The following SPSB1 variants were observed in gnomAD, a reference collection of about 807,000 sequenced individuals.
SPSB1 encodes the protein splA/ryanodine receptor domain and SOCS box containing 1.
Under a neutral mutation model 21.2 loss-of-function variants are expected in SPSB1, and 8 were observed. That is an observed-to-expected ratio of 0.38 (90% CI 0.22 to 0.68). The LOEUF is 0.68. Among genes scored for constraint, SPSB1 ranks in the 30% least tolerant of loss-of-function variants. The probability of loss-of-function intolerance (pLI) is 0.53; values close to 1 mark genes in which losing one functional copy is unlikely to be tolerated. For missense variants in SPSB1, 242 were observed against 377.8 expected (o/e 0.64, Z 2.98); for synonymous variants, 169 against 161.7 (o/e 1.05, Z -0.34).
intron 1 of SPSB1, among the ~76,000 whole-genome samples, chr1:9,343,096 C>T (rs1346563361): frequency 6.6e-6 from 1 of 152,154 alleles, no homozygotes; most frequent in African/African-American, 2.4e-5. Flanking sequence ...GTGAAATTCA[C>T]ATAACATTCA....
intron 1 of SPSB1, among the ~76,000 whole-genome samples, chr1:9,349,065 A>G (rs970841211): frequency 2.0e-5 from 3 of 152,254 alleles, no homozygotes; most frequent in African/African-American, 7.2e-5. Flanking sequence ...GCTTCGTGTC[A>G]TCTGGTGTCC....
intron 1 of SPSB1, among the ~76,000 whole-genome samples, chr1:9,349,305 C>T (rs894226588): frequency 2.6e-5 from 4 of 152,208 alleles, no homozygotes; most frequent in African/African-American, 7.2e-5. Flanking sequence ...ATGAGACAGA[C>T]GCTCCCGCCA....
Position 9,367,838 on chromosome 1 carries a change from C to T in SPSB1, c.*263C>T, listed in dbSNP as rs557198475. On this transcript the variant is annotated 3_prime_UTR_variant, in exon 3 of 3. Transcript: ENST00000328089. The surrounding 1 kb of genome is among the most constrained non-coding windows in gnomAD (Gnocchi z 5.9). ...TACAACCCCTCTTTGAAAAAAGACA[C>T]AGAGAATAAACTCCTACGAAAGCCC... The T allele has an allele frequency of 2.3e-5, 12 of 524,082 alleles. No homozygotes were observed. Among genetic ancestry groups the T allele is most frequent in the Non-Finnish European group, 4.0e-5 (12 of 297,470 alleles). 32.5% of individuals were successfully genotyped at this position (524,082 alleles called of 1,614,324 possible). A position where few individuals can be genotyped will look rare whatever the true frequency, so the allele number is the denominator to read the frequency against.
chr1:9,341,358 C>G (rs1194885476), intron 1 of SPSB1, among the ~76,000 whole-genome samples: 2 of 152,330 alleles, frequency 1.3e-5, no homozygotes, highest in East Asian at 3.9e-4. Flanking sequence ...CAGCCCCTTC[C>G]CCTGAAGCTT....
chr1:9,334,321 G>A (rs940469525), intron 1 of SPSB1, among the ~76,000 whole-genome samples: 8 of 151,926 alleles, frequency 5.3e-5, no homozygotes, highest in African/African-American at 1.9e-4. Flanking sequence ...CTTGACCTCA[G>A]GTGATCCGCC....
At position 9,317,506 on chromosome 1, in the gene SPSB1, C is replaced by G. The variant is rs1197224181; in HGVS notation, c.-150+24435C>G. ...GGTTTTTTGTCGTTTGTTTTTGAGA[C>G]AGAGTCTTGCTTTGTCACCCAGGCT... On this transcript the variant is annotated intron_variant, in intron 1 of 2. Coordinates refer to ENST00000328089, the MANE Select transcript of SPSB1 (RefSeq NM_025106.4). The surrounding 1 kb of genome is among the most constrained non-coding windows in gnomAD (Gnocchi z 4.3). Among the ~76,000 whole-genome samples, 1 of 152,124 alleles carries G rather than the reference C, an allele frequency of 6.6e-6. No individual in the cohort carries two copies. Among genetic ancestry groups the G allele is most frequent in the African/African-American group, 2.4e-5 (1 of 41,410 alleles).
At chr1:9,306,172 GGCACCTCAGGCGATTGCCTGTT>G (rs1639407211) in intron 1 of SPSB1, among the ~76,000 whole-genome samples, 1 of 152,178 alleles carries the variant, frequency 6.6e-6, no homozygotes, top group South Asian at 2.1e-4. Flanking sequence ...AGGGACTGAG[GGCACCTCAGGCGATTGCCTGTT>G]GCCATCAACT....
intron 1 of SPSB1, among the ~76,000 whole-genome samples, chr1:9,353,193 G>A (rs529494131): frequency 2.6e-5 from 4 of 151,486 alleles, no homozygotes; most frequent in African/African-American, 7.3e-5. Context: ...GCCTCAGCCC[G>A]CCCGGCCCCT....
At chr1:9,335,566 C>T (rs1406164850) in intron 1 of SPSB1, among the ~76,000 whole-genome samples, 2 of 151,452 alleles carry the variant, frequency 1.3e-5, no homozygotes, top group Non-Finnish European at 2.9e-5. Flanking sequence ...CCCAGCACTT[C>T]GGGATTCCAA....
At chr1:9,310,096 G>C (rs1451589280) in intron 1 of SPSB1, among the ~76,000 whole-genome samples, 1 of 151,152 alleles carries the variant, frequency 6.6e-6, no homozygotes, top group Non-Finnish European at 1.5e-5. Context: ...CTCTGCACCT[G>C]CCGTGGGAAG....
At chr1:9,335,817 GAA>G (rs1300471815) in intron 1 of SPSB1, among the ~76,000 whole-genome samples, 1 of 152,216 alleles carries the variant, frequency 6.6e-6, no homozygotes, top group East Asian at 1.9e-4. Context: ...GTGAAAAAAA[GAA>G]AGAAAGAATG....
At chr1:9,327,172 C>T (rs1639829302) in intron 1 of SPSB1, among the ~76,000 whole-genome samples, 1 of 152,192 alleles carries the variant, frequency 6.6e-6, no homozygotes, top group African/African-American at 2.4e-5. Context: ...CCTCTAAGCC[C>T]ACGGCCTCCA....
At position 9,346,977 on chromosome 1, in the gene SPSB1, C is replaced by T. The variant is rs1015508331; in HGVS notation, c.-149-8766C>T. On this transcript the variant is annotated intron_variant, in intron 1 of 2. Coordinates refer to ENST00000328089, the MANE Select transcript of SPSB1 (RefSeq NM_025106.4). This position sits in a 1 kb window ranked among gnomAD's most constrained non-coding sequence, Gnocchi z 4.4. ...TCACTGTAGAAATAATGTCCCTCTT[C>T]GGGATGGCCCCAAAGCTTCCCCAGG... is the stretch of plus-strand genomic sequence containing the variant. Among the ~76,000 whole-genome samples, 2 of 152,222 alleles carry T rather than the reference C, an allele frequency of 1.3e-5. No individual in the cohort carries two copies. Among genetic ancestry groups the T allele is most frequent in the South Asian group, 2.1e-4 (1 of 4,834 alleles).
intron 1 of SPSB1, among the ~76,000 whole-genome samples, chr1:9,322,800 C>T (rs967284241): frequency 2.0e-5 from 3 of 152,134 alleles, no homozygotes; most frequent in Admixed American, 6.5e-5. Flanking sequence ...TGATGGTCAG[C>T]GGGGGCAGGC....
chr1:9,341,993 C>T lies in SPSB1; in HGVS notation c.-149-13750C>T, dbSNP rs1640099511. On this transcript the variant is annotated intron_variant, in intron 1 of 2. Transcript: ENST00000328089. ...CTGGGATTACAGGCGTGAGCCACCA[C>T]GCCCAGCCTAGTTGGCCTGTGTTTT... 1.3e-5 allele frequency among the ~76,000 whole-genome samples: 2 copies of T among 152,240 alleles called. 1 individual carries two copies. The highest frequency in any genetic ancestry group is 4.1e-4 in the South Asian group (2 of 4,832).
chr1:9,339,700 C>G (rs1263257079), intron 1 of SPSB1, among the ~76,000 whole-genome samples: 2 of 152,096 alleles, frequency 1.3e-5, no homozygotes, highest in Non-Finnish European at 2.9e-5. Context: ...GGAGGGGCCT[C>G]CAGCAGGGTC....
rs1639142670 is a variant in SPSB1 at position 9,292,932 on chromosome 1, C to T, written c.-289C>T. On this transcript the variant is annotated 5_prime_UTR_variant, in exon 1 of 3. Transcript: ENST00000328089. ...GCTCGGGCAGCCTGCGCGCTCGCAG[C>T]AGGAACCAGGCTCCAGGCGCCGGCG... is the stretch of plus-strand genomic sequence containing the variant. 20 of 952,100 alleles carry T rather than the reference C, an allele frequency of 2.1e-5. No individual in the cohort carries two copies. The South Asian group carries it at 3.5e-4, about 17-fold the overall frequency. The allele number at this position is 952,100 out of a possible 1,614,324, so 59.0% of individuals were successfully genotyped here. A position where few individuals can be genotyped will look rare whatever the true frequency, so the allele number is the denominator to read the frequency against.
At position 9,346,127 on chromosome 1, in the gene SPSB1, T is replaced by C. The variant is rs1640163236; in HGVS notation, c.-149-9616T>C. 1.3e-5 allele frequency among the ~76,000 whole-genome samples: 2 copies of C among 152,214 alleles called. No homozygotes were observed. Among genetic ancestry groups the C allele is most frequent in the South Asian group, 2.1e-4 (1 of 4,830 alleles). On this transcript the variant is annotated intron_variant, in intron 1 of 2. Transcript: ENST00000328089. The surrounding 1 kb of genome is among the most constrained non-coding windows in gnomAD (Gnocchi z 4.4). ...GCTGCAGAGATTGATTCTGATAAAA[T>C]AGCAGATTGCTCGGGGCATGTTTCT...
intron 1 of SPSB1, among the ~76,000 whole-genome samples, chr1:9,325,762 T>A (rs1289731769): frequency 6.6e-6 from 1 of 152,130 alleles, no homozygotes; most frequent in East Asian, 1.9e-4. Context: ...GCAAAGGACG[T>A]TTGCCATTTG....
Sources: gnomAD v4.1 joint callset for allele counts (sites outside exome capture counted in the v4.1 genomes callset) on GRCh38, gnomAD v4.1.1 for gene constraint, Gnocchi (gnomAD v3.1) non-coding constraint, MANE v1.5 for transcripts, NCBI Gene and HGNC (gene_info 2026-07-23, HGNC 2026-07-21) for gene names.